Variants in GAREM2 observed in about 807,000 individuals in gnomAD.
The protein encoded by GAREM2 is GRB2-associated and regulator of MAPK protein 2.
GAREM2 carries 30 observed loss-of-function variants against 55.6 expected under a neutral mutation model. The ratio of observed to expected loss-of-function variants is 0.54; its 90% CI spans 0.40 to 0.73. The LOEUF (loss-of-function observed/expected upper bound fraction) is 0.73. Among genes scored for constraint, GAREM2 ranks in the 30% least tolerant of loss-of-function variants. The pLI, the probability that GAREM2 is intolerant of heterozygous loss-of-function variation, is 0.00. For synonymous variants in GAREM2, 550 were observed against 569.1 expected, an observed-to-expected ratio of 0.97 and a Z score of 0.48; for missense variants, 1,075 against 1,257.7, an observed-to-expected ratio of 0.85 and a Z score of 2.20.
At chr2:26,191,576 C>T, downstream of GAREM2, 4 of 1,614,054 alleles carry the variant, frequency 2.5e-6, no homozygotes, top group Non-Finnish European at 3.4e-6. Context: ...CACATGACTG[C>T]CTCATTCACA....
the GAREM2 span, chr2:26,195,185 C>T: frequency 6.2e-7 from 1 of 1,612,328 alleles, no homozygotes; most frequent in South Asian, 1.1e-5. Flanking sequence ...TGATAATCTC[C>T]AGCAGCTGCA....
downstream of GAREM2, chr2:26,191,062 T>G: frequency 1.5e-6 from 1 of 663,072 alleles, no homozygotes; most frequent in Non-Finnish European, 2.7e-6. Context: ...AAGTGCAAAC[T>G]AATTCGAAGT....
In GAREM2 at chr2:26,187,724, C is replaced by T. The variant is rs1319125858; in HGVS notation, c.2092C>T (p.Leu698=). Residue 698 remains leucine, a synonymous_variant, in exon 6 of 6, where the codon CTG becomes TTG. Transcript: ENST00000401533. ...SSSSEWQEPV[L]EPFDPFELGQ... is the part of the protein sequence containing the mutation. ...TTCTTCTGAATGGCAGGAACCAGTC[C>T]TGGAGCCCTTCGATCCCTTTGAGCT... 4.1e-6 allele frequency: 6 copies of T among 1,470,536 alleles called. No individual in the cohort carries two copies. Among genetic ancestry groups the T allele is most frequent in the Admixed American group, 2.6e-5 (1 of 38,788 alleles). The allele number at this position is 1,470,536 out of a possible 1,614,324, so 91.1% of individuals were successfully genotyped here. A position where few individuals can be genotyped will look rare whatever the true frequency, so the allele number is the denominator to read the frequency against.
rs575966670 is a variant in GAREM2 at position 26,176,572 on chromosome 2, C to T, written c.253+88C>T. 2.0e-3 allele frequency: 2,508 copies of T among 1,236,924 alleles called. 5 individuals carry two copies. Among genetic ancestry groups the T allele is most frequent in the South Asian group, 6.0e-3 (282 of 46,816 alleles). The allele number at this position is 1,236,924 out of a possible 1,614,324, so 76.6% of individuals were successfully genotyped here. ...GCCAGGGGTAGGGGGAACGCTGGGACTAGCGAGGCGGTGATTAGGGTTAGG... is the reference window on the plus strand; with the variant it reads ...GCCAGGGGTAGGGGGAACGCTGGGATTAGCGAGGCGGTGATTAGGGTTAGG... On this transcript the variant is annotated intron_variant, in intron 2 of 5. Coordinates refer to ENST00000401533, the MANE Select transcript of GAREM2 (RefSeq NM_001168241.2).
chr2:26,184,134 G>A (rs891694152), intron 3 of GAREM2, 99 bp from the exon 4 acceptor site: 2 of 1,494,374 alleles, frequency 1.3e-6, no homozygotes, highest in Admixed American at 4.1e-5. Context: ...CGGGAGGGCG[G>A]AAGAGGAAGG....
the GAREM2 span, among the ~76,000 whole-genome samples, chr2:26,196,752 G>A: frequency 4.6e-5 from 7 of 152,190 alleles, no homozygotes; most frequent in East Asian, 1.9e-4. Flanking sequence ...CTCCGATGGC[G>A]GGGAGAGGTT....
At position 26,184,682 on chromosome 2, in the gene GAREM2, C is replaced by T. The variant is rs778477410; in HGVS notation, c.834C>T (p.Tyr278=). 6.0e-5 allele frequency: 93 copies of T among 1,542,248 alleles called. No individual in the cohort carries two copies. Among genetic ancestry groups the T allele is most frequent in the Middle Eastern group, 1.7e-4 (1 of 5,980 alleles). ...CCAGCCGGCCGCCGCGCAACCCCTA[C>T]GACCTGCACCCGGTGCGGGAGGGTC... ...LVPSRPPRNP[Y]DLHPVREGHC... The change falls in exon 4 of 6, where the codon TAC becomes TAT. Residue 278 remains tyrosine (Y), a synonymous_variant. Coordinates refer to ENST00000401533, the MANE Select transcript of GAREM2 (RefSeq NM_001168241.2).
downstream of GAREM2, chr2:26,191,205 G>C: frequency 1.3e-6 from 2 of 1,593,078 alleles, no homozygotes; most frequent in South Asian, 2.2e-5. Context: ...CAGCACTGCC[G>C]GCAGCTGGGG....
chr2:26,201,350 G>A, the GAREM2 span: 8 of 1,493,378 alleles, frequency 5.4e-6, no homozygotes, highest in Non-Finnish European at 7.5e-6. Flanking sequence ...AGTTAGATGG[G>A]AAGAAAAGGA....
At chr2:26,187,196 C>T (rs1669291191) in intron 5 of GAREM2, 35 bp from the exon 6 acceptor site, 1 of 1,425,666 alleles carries the variant, frequency 7.0e-7, no homozygotes, top group South Asian at 1.6e-5. Flanking sequence ...TCAGCCTCAC[C>T]TGTCCTATGT....
At chr2:26,176,247 G>A (rs1202440511) in intron 1 of GAREM2, 97 bp from the exon 2 acceptor site, 1 of 1,201,410 alleles carries the variant, frequency 8.3e-7, no homozygotes, top group Non-Finnish European at 1.1e-6. Context: ...TCCCTCAGGG[G>A]GGCGGTCTTG....
intron 4 of GAREM2, among the ~76,000 whole-genome samples, chr2:26,185,641 C>T (rs1454860145): frequency 6.6e-6 from 1 of 152,130 alleles, no homozygotes. Flanking sequence ...ATTCCCAGCC[C>T]TTTTTCCCTC....
In GAREM2 at chr2:26,184,556, C is replaced by T. The variant is rs563365030; in HGVS notation, c.708C>T (p.Arg236=). Residue 236 remains arginine, a synonymous_variant, in exon 4 of 6, where the codon CGC becomes CGT. Coordinates refer to ENST00000401533, the MANE Select transcript of GAREM2 (RefSeq NM_001168241.2). ...GCCTGCCCTTTCAGTGCCAGGGCCG[C>T]TTCAGCACTCGCAGCCCGCTGGAGC... The part of the protein sequence containing the change: ...SLSLPFQCQG[R]FSTRSPLELQ... 5.8e-6 allele frequency: 9 copies of T among 1,548,202 alleles called. No homozygotes were observed.
At chr2:26,195,596 G>A in the GAREM2 span, among the ~76,000 whole-genome samples, 1 of 149,316 alleles carries the variant, frequency 6.7e-6, no homozygotes, top group East Asian at 2.0e-4. Context: ...CAGTTTTTTT[G>A]GGCGGGGGTG....
At chr2:26,201,419 G>T in the GAREM2 span, 2 of 796,314 alleles carry the variant, frequency 2.5e-6, no homozygotes, top group Non-Finnish European at 4.3e-6. Flanking sequence ...CACCAACTCT[G>T]TGAGGTAGTT....
the GAREM2 span, chr2:26,204,048 G>T: frequency 6.2e-7 from 1 of 1,612,792 alleles, no homozygotes; most frequent in South Asian, 1.1e-5. Flanking sequence ...TGCAAAGAGA[G>T]AGAGCAGGCT....
chr2:26,184,643 G>A lies in GAREM2; in HGVS notation c.795G>A (p.Val265=). Reference sequence around the variant, plus strand: ...TCATCGAGCGCGTGAGGCTGCCGGTGAACGTGCTGGTGCCCAGCCGGCCGC... The same window carrying A: ...TCATCGAGCGCGTGAGGCTGCCGGTAAACGTGCTGGTGCCCAGCCGGCCGC... ...RAIIERVRLP[V]NVLVPSRPPR... Residue 265 remains valine (V), a synonymous_variant, in exon 4 of 6, where the codon GTG becomes GTA. Transcript: ENST00000401533. 1.3e-6 allele frequency: 2 copies of A among 1,546,224 alleles called. No individual in the cohort carries two copies.
At chr2:26,191,513 A>G, downstream of GAREM2, 1 of 1,614,216 alleles carries the variant, frequency 6.2e-7, no homozygotes, top group Non-Finnish European at 8.5e-7. Context: ...CCAAGCCCAA[A>G]GACGGCTCCG....
the GAREM2 span, among the ~76,000 whole-genome samples, chr2:26,202,381 A>G: frequency 1.3e-5 from 2 of 152,308 alleles, no homozygotes; most frequent in African/African-American, 4.8e-5. Flanking sequence ...GCTAAACCCC[A>G]TTCACTAATT....
Sources: allele counts gnomAD v4.1 joint callset (sites outside exome capture counted in the v4.1 genomes callset), GRCh38; gene constraint gnomAD v4.1.1; transcripts MANE v1.5; gene names NCBI Gene and HGNC (gene_info 2026-07-23, HGNC 2026-07-21).